Variants in CASP9 observed in about 807,000 individuals in gnomAD.
The protein encoded by CASP9 is caspase 9, also known as caspase-9.
Under a neutral mutation model 43.5 loss-of-function variants are expected in CASP9, and 29 were observed. That is an observed-to-expected ratio of 0.67 (90% CI 0.50 to 0.91). The LOEUF (loss-of-function observed/expected upper bound fraction) is 0.91. Among genes scored for constraint, CASP9 ranks in the 40% least tolerant of loss-of-function variants. CASP9 has a pLI of 0.00. For missense variants in CASP9, 575 were observed against 537.4 expected, an observed-to-expected ratio of 1.07 and a Z score of -0.69; for synonymous variants, 206 against 211.9, an observed-to-expected ratio of 0.97 and a Z score of 0.24.
intron 6 of CASP9, among the ~76,000 whole-genome samples, chr1:15,503,321 T>A (rs1402506341): frequency 1.3e-5 from 2 of 151,824 alleles, no homozygotes; most frequent in Non-Finnish European, 1.5e-5. Flanking sequence ...AGCTTGGGAG[T>A]GGGTTCTGTT....
chr1:15,508,663 C>A (rs1004021310), intron 2 of CASP9, among the ~76,000 whole-genome samples: 4 of 152,268 alleles, frequency 2.6e-5, no homozygotes, highest in East Asian at 1.9e-4. Context: ...GATCCACCCA[C>A]CTCAGCCTCC....
chr1:15,517,986 A>G (rs1710018004), intron 2 of CASP9, 124 bp downstream of exon 2: 1 of 1,195,368 alleles, frequency 8.4e-7, no homozygotes, highest in Non-Finnish European at 1.2e-6. Context: ...TGCCATCCCT[A>G]TGAACATTCA....
intron 6 of CASP9, among the ~76,000 whole-genome samples, chr1:15,496,552 A>G (rs936609492): frequency 1.3e-5 from 2 of 152,256 alleles, no homozygotes; most frequent in Non-Finnish European, 2.9e-5. Flanking sequence ...TAAAATTAGC[A>G]TATTAGCAGG....
intron 3 of CASP9, among the ~76,000 whole-genome samples, chr1:15,507,516 C>T (rs1709571144): frequency 6.6e-6 from 1 of 152,250 alleles, no homozygotes; most frequent in Non-Finnish European, 1.5e-5. Context: ...TGTCTAACTT[C>T]TCTCTCGCCT....
chr1:15,491,531 G>T lies in CASP9; in HGVS notation c.*1412C>A. ...CCTGCACTTTGGGAGGCTAAGGCAGGCTGATCGCTTGAGTCCAGGAGTTCA... is the reference window on the plus strand; with the variant it reads ...CCTGCACTTTGGGAGGCTAAGGCAGTCTGATCGCTTGAGTCCAGGAGTTCA... On this transcript the variant is annotated 3_prime_UTR_variant, in exon 9 of 9. Coordinates refer to ENST00000333868, the MANE Select transcript of CASP9 (RefSeq NM_001229.5). 1.8e-6 allele frequency: 1 copy of T among 559,452 alleles called. No individual in the cohort carries two copies. The highest frequency in any genetic ancestry group is 3.1e-6 in the Non-Finnish European group (1 of 319,394). 34.7% of individuals were successfully genotyped at this position (559,452 alleles called of 1,614,324 possible).
At chr1:15,494,426 G>T (rs1239213958) in intron 7 of CASP9, among the ~76,000 whole-genome samples, 1 of 152,082 alleles carries the variant, frequency 6.6e-6, no homozygotes, top group Non-Finnish European at 1.5e-5. Context: ...TTAGCTGGGT[G>T]TGGTGATGCA....
In CASP9 at chr1:15,507,898, TC is replaced by T. The variant is rs764393418; in HGVS notation, c.427del (p.Glu143ArgfsTer3). 23 of 1,613,870 alleles carry T rather than the reference TC, an allele frequency of 1.4e-5. No homozygotes were observed. Among genetic ancestry groups the T allele is most frequent in the Non-Finnish European group, 1.7e-5 (20 of 1,179,984 alleles). On this transcript the variant is annotated frameshift_variant, in exon 3 of 9. Transcript: ENST00000333868. LOFTEE classifies it high-confidence loss of function. ...SGGFGDVGAL[E>X]SLRGNADLAY... ...CAAATCTGCATTTCCCCTCAAACTC[TC>T]AAGAGCACCTGAAGAGGCAGAGAAA...
chr1:15,497,655 A>ATAT (rs57447510), intron 6 of CASP9, among the ~76,000 whole-genome samples: 2,119 of 145,916 alleles, frequency 0.015, 55 homozygotes, highest in African/African-American at 0.05. Context: ...AAAAAAAAAA[A>ATAT]AAAGATATAA....
chr1:15,514,705 A>G (rs1350650360), intron 2 of CASP9, among the ~76,000 whole-genome samples: 1 of 152,188 alleles, frequency 6.6e-6, no homozygotes, highest in African/African-American at 2.4e-5. Flanking sequence ...TGATATTCAC[A>G]TTATTTAAAG....
At chr1:15,513,323 C>G (rs895914262) in intron 2 of CASP9, among the ~76,000 whole-genome samples, 10 of 152,054 alleles carry the variant, frequency 6.6e-5, no homozygotes, top group African/African-American at 2.2e-4. Context: ...ACACACACCC[C>G]CTATTGGTTC....
intron 8 of CASP9, 40 bp from the exon 9 acceptor site, chr1:15,493,075 C>T: frequency 3.7e-6 from 6 of 1,611,940 alleles, no homozygotes; most frequent in Non-Finnish European, 5.1e-6. Flanking sequence ...GAGTTCAGTT[C>T]TCTGGACTGA....
chr1:15,509,498 G>C (rs1191493156), intron 2 of CASP9, among the ~76,000 whole-genome samples: 2 of 151,418 alleles, frequency 1.3e-5, no homozygotes, highest in Admixed American at 6.6e-5. Flanking sequence ...AGCCAGGCGA[G>C]GGGGCAGGCG....
At chr1:15,524,862 C>T (rs1216541419), upstream of CASP9, 3 of 827,530 alleles carry the variant, frequency 3.6e-6, no homozygotes, top group African/African-American at 5.9e-5. Flanking sequence ...CTCAGCGCCT[C>T]GCGCCGACCC....
intron 8 of CASP9, chr1:15,493,626 T>C: frequency 6.9e-7 from 1 of 1,439,112 alleles, no homozygotes; most frequent in Non-Finnish European, 9.1e-7. Context: ...ACCAGCTCCA[T>C]CAGTGGAGGA....
At chr1:15,508,621 G>A (rs1202081327) in intron 2 of CASP9, among the ~76,000 whole-genome samples, 2 of 152,020 alleles carry the variant, frequency 1.3e-5, no homozygotes, top group Non-Finnish European at 2.9e-5. Context: ...CACCATGTTG[G>A]CCAGGCTAGT....
chr1:15,504,776 C>A lies in CASP9; in HGVS notation c.721-18G>T. ...TGGCTGGCCTAGAAGACCAAGAACC[C>A]TGGTTACAAAACCAAGAAGTTGGAG... On this transcript the variant is annotated intron_variant, in intron 5 of 8. Coordinates refer to ENST00000333868, the MANE Select transcript of CASP9 (RefSeq NM_001229.5). 1 of 1,601,470 alleles carries A rather than the reference C, an allele frequency of 6.2e-7. No individual in the cohort carries two copies. The highest frequency in any genetic ancestry group is 8.5e-7 in the Non-Finnish European group (1 of 1,175,034).
In CASP9 at chr1:15,524,164, G is replaced by T; in HGVS notation, c.37C>A (p.Arg13=). 5 of 1,539,728 alleles carry T rather than the reference G, an allele frequency of 3.2e-6. No individual in the cohort carries two copies. Among genetic ancestry groups the T allele is most frequent in the Non-Finnish European group, 4.4e-6 (5 of 1,147,026 alleles). The change falls in exon 1 of 9, where the codon CGG becomes AGG. Residue 13 remains arginine, a synonymous_variant. Transcript: ENST00000333868. ...TGCAGCTCTTCCACCAGCCGCAGCC[G>T]GCACCGCCGCAGGAGCCGCCGATCC... ...EADRRLLRRC[R]LRLVEELQVD... is the part of the protein sequence containing the mutation.
At chr1:15,518,020 T>C in intron 2 of CASP9, 90 bp downstream of exon 2, 1 of 1,414,722 alleles carries the variant, frequency 7.1e-7, no homozygotes, top group Non-Finnish European at 9.8e-7. Context: ...AAAATTAAAT[T>C]CTGAATCTCA....
intron 7 of CASP9, 79 bp downstream of exon 7, chr1:15,495,194 T>C: frequency 7.4e-7 from 1 of 1,357,440 alleles, no homozygotes; most frequent in Non-Finnish European, 1.0e-6. Flanking sequence ...CCCTGGTCTT[T>C]TCTCTCACCA....
Sources: gnomAD v4.1 joint callset for allele counts (sites outside exome capture counted in the v4.1 genomes callset) on GRCh38, gnomAD v4.1.1 for gene constraint, MANE v1.5 for transcripts, NCBI Gene and HGNC (gene_info 2026-07-23, HGNC 2026-07-21) for gene names.